DOK6: variants seen among roughly 807,000 people sequenced by gnomAD.
The protein encoded by DOK6 is docking protein 6, also known as downstream of tyrosine kinase 6.
In DOK6, 22 loss-of-function variants were observed where a neutral mutation model predicts 44.0. That is an observed-to-expected ratio of 0.50 (90% CI 0.36 to 0.71). The LOEUF is 0.71. DOK6 is among the 30% of genes least tolerant of loss of function. The pLI is 0.00. For synonymous variants in DOK6, 166 were observed against 145.5 expected (o/e 1.14, Z -1.01); for missense variants, 340 against 416.4 (o/e 0.82, Z 1.60).
intron 4 of DOK6, among the ~76,000 whole-genome samples, chr18:69,678,647 T>C (rs983871469): frequency 1.3e-5 from 2 of 152,230 alleles, no homozygotes; most frequent in Non-Finnish European, 2.9e-5. Context: ...GCATTTCTAA[T>C]GTCTCATAAC....
chr18:69,533,938 A>C (rs34302617), intron 1 of DOK6, among the ~76,000 whole-genome samples: 18,151 of 152,170 alleles, frequency 0.12, 1,488 homozygotes, highest in Non-Finnish European at 0.17. Flanking sequence ...TAGATCAATA[A>C]ATAAAGACAG....
intron 1 of DOK6, among the ~76,000 whole-genome samples, chr18:69,547,461 C>A (rs1201036576): frequency 1.3e-5 from 2 of 151,314 alleles, no homozygotes; most frequent in Admixed American, 1.3e-4. Flanking sequence ...AGGCTAGCAC[C>A]AAGAGGATGT....
intron 5 of DOK6, among the ~76,000 whole-genome samples, chr18:69,723,897 A>T (rs1978294425): frequency 6.6e-6 from 1 of 152,138 alleles, no homozygotes; most frequent in East Asian, 1.9e-4. Context: ...CCAGGATGTC[A>T]CCTGCCTTCA....
intron 7 of DOK6, among the ~76,000 whole-genome samples, chr18:69,839,867 G>A (rs181143724): frequency 2.6e-4 from 39 of 152,354 alleles, no homozygotes; most frequent in African/African-American, 8.7e-4. Context: ...CCCTCTTGCT[G>A]AGCCTGGTGC....
intron 7 of DOK6, among the ~76,000 whole-genome samples, chr18:69,777,000 T>TGGGGGGG (rs1980087722): frequency 1.7e-5 from 1 of 57,246 alleles, no homozygotes; most frequent in Non-Finnish European, 3.3e-5. Flanking sequence ...GGACTGTTGT[T>TGGGGGGG]GGGTGGGGGG....
At chr18:69,507,238 A>G (rs1422656769) in intron 1 of DOK6, among the ~76,000 whole-genome samples, 1 of 151,964 alleles carries the variant, frequency 6.6e-6, no homozygotes, top group Non-Finnish European at 1.5e-5. Context: ...CGTGTTAGCC[A>G]GAATGGTCTT....
chr18:69,502,735 G>C (rs150780431), intron 1 of DOK6, among the ~76,000 whole-genome samples: 1 of 151,958 alleles, frequency 6.6e-6, no homozygotes, highest in East Asian at 1.9e-4. Context: ...GCTTGACCTC[G>C]AGATGCCATA....
chr18:69,580,172 G>T (rs1983334177), intron 2 of DOK6, among the ~76,000 whole-genome samples: 1 of 152,074 alleles, frequency 6.6e-6, no homozygotes, highest in African/African-American at 2.4e-5. Context: ...GGTTTCAGAA[G>T]GCAGATGTCA....
At chr18:69,716,876 C>A (rs1986895975) in intron 5 of DOK6, among the ~76,000 whole-genome samples, 1 of 152,158 alleles carries the variant, frequency 6.6e-6, no homozygotes, top group Admixed American at 6.5e-5. Flanking sequence ...CTCCACCCAG[C>A]ACCTGAGTAA....
intron 1 of DOK6, among the ~76,000 whole-genome samples, chr18:69,513,955 A>G (rs1222070208): frequency 4.6e-5 from 7 of 152,184 alleles, no homozygotes; most frequent in Non-Finnish European, 5.9e-5. Flanking sequence ...TTTAAAATAC[A>G]TATTACCTCT....
chr18:69,623,575 A>G (rs9961612), intron 3 of DOK6, among the ~76,000 whole-genome samples: 142,477 of 152,256 alleles, frequency 0.94, 66,998 homozygotes, highest in East Asian at 0.99. Flanking sequence ...AAGTAAGGCA[A>G]TGTAGGGCAC....
intron 7 of DOK6, among the ~76,000 whole-genome samples, chr18:69,807,179 T>G (rs1360548084): frequency 6.6e-6 from 1 of 151,836 alleles, no homozygotes. Flanking sequence ...GTGGAGGTTT[T>G]TTTTAATGCA....
At chr18:69,621,016 G>C (rs1984427456) in intron 3 of DOK6, among the ~76,000 whole-genome samples, 1 of 152,006 alleles carries the variant, frequency 6.6e-6, no homozygotes. Flanking sequence ...ACATCTACTT[G>C]AATGCATTCT....
intron 3 of DOK6, among the ~76,000 whole-genome samples, chr18:69,658,488 T>A (rs1985427022): frequency 6.6e-6 from 1 of 152,214 alleles, no homozygotes; most frequent in South Asian, 2.1e-4. Context: ...ATGTTGACAA[T>A]AATTACTACT....
At chr18:69,565,227 T>C (rs1297333152) in intron 2 of DOK6, among the ~76,000 whole-genome samples, 4 of 152,112 alleles carry the variant, frequency 2.6e-5, no homozygotes, top group Admixed American at 6.5e-5. Flanking sequence ...TGTAGAACAG[T>C]GTTGCTTAAT....
At chr18:69,569,774 C>T (rs554341640) in intron 2 of DOK6, among the ~76,000 whole-genome samples, 83 of 152,048 alleles carry the variant, frequency 5.5e-4, no homozygotes, top group African/African-American at 1.7e-3. Context: ...ATATGTACAT[C>T]GCAACACTAT....
chr18:69,467,510 T>C (rs1262134940), intron 1 of DOK6, among the ~76,000 whole-genome samples: 1 of 152,172 alleles, frequency 6.6e-6, no homozygotes, highest in Non-Finnish European at 1.5e-5. Context: ...GAAACATAGT[T>C]TATGTGGTTC....
intron 1 of DOK6, among the ~76,000 whole-genome samples, chr18:69,487,107 G>A (rs903507263): frequency 4.0e-5 from 6 of 151,528 alleles, no homozygotes; most frequent in African/African-American, 7.3e-5. Flanking sequence ...GCACCTGTAC[G>A]GTGTCAGTTG....
intron 2 of DOK6, among the ~76,000 whole-genome samples, chr18:69,593,882 T>A (rs4891758): frequency 6.6e-6 from 1 of 152,100 alleles, no homozygotes; most frequent in African/African-American, 2.4e-5. Flanking sequence ...CTTGTGTTTA[T>A]CTTTTTATGT....
Sources: gnomAD v4.1 joint callset for allele counts (sites outside exome capture counted in the v4.1 genomes callset) on GRCh38, gnomAD v4.1.1 for gene constraint, MANE v1.5 for transcripts, NCBI Gene and HGNC (gene_info 2026-07-23, HGNC 2026-07-21) for gene names.